The following DNAJC1 variants were observed in gnomAD, a reference collection of about 807,000 sequenced individuals.
The protein encoded by DNAJC1 is dnaJ homolog subfamily C member 1.
A neutral mutation model predicts 76.6 loss-of-function variants in DNAJC1; 58 were observed. That is an observed-to-expected ratio of 0.76 (90% CI 0.61 to 0.94). The LOEUF is 0.94. DNAJC1 is among the 40% of genes least tolerant of loss of function. The pLI is 0.00. For synonymous variants in DNAJC1, 258 were observed against 267.9 expected, an observed-to-expected ratio of 0.96 and a Z score of 0.36; for missense variants, 689 against 677.3, an observed-to-expected ratio of 1.02 and a Z score of -0.19.
At chr10:21,779,669 A>C (rs991703516) in intron 9 of DNAJC1, among the ~76,000 whole-genome samples, 1 of 152,238 alleles carries the variant, frequency 6.6e-6, no homozygotes, top group African/African-American at 2.4e-5. Flanking sequence ...AAAGCTGAGA[A>C]TTCTAAAAAT....
chr10:21,771,184 T>C (rs1258517528), intron 9 of DNAJC1, among the ~76,000 whole-genome samples: 1 of 151,452 alleles, frequency 6.6e-6, no homozygotes, highest in Non-Finnish European at 1.5e-5. Context: ...AGTTCCAATG[T>C]TTTTTTTAGT....
At chr10:21,838,025 C>T (rs1009869078) in intron 8 of DNAJC1, among the ~76,000 whole-genome samples, 2 of 151,096 alleles carry the variant, frequency 1.3e-5, no homozygotes, top group Non-Finnish European at 3.0e-5. Flanking sequence ...CTCCGCCCAG[C>T]CGCTGCCCCG....
chr10:21,859,806 C>T (rs948983515), intron 8 of DNAJC1, among the ~76,000 whole-genome samples: 10 of 150,962 alleles, frequency 6.6e-5, no homozygotes, highest in African/African-American at 2.4e-4. Flanking sequence ...TTTTTTGAGA[C>T]GGAGTCTGGC....
intron 8 of DNAJC1, chr10:21,861,040 C>T (rs1371608180): frequency 6.7e-6 from 1 of 149,520 alleles, no homozygotes; most frequent in Non-Finnish European, 1.5e-5. Context: ...CATTTAATTA[C>T]ATCTGCAAAG....
At chr10:21,836,065 G>A (rs2131673518) in intron 8 of DNAJC1, among the ~76,000 whole-genome samples, 1 of 152,272 alleles carries the variant, frequency 6.6e-6, no homozygotes, top group South Asian at 2.1e-4. Flanking sequence ...AATGTTAAGG[G>A]CAGCCAGAGA....
intron 8 of DNAJC1, among the ~76,000 whole-genome samples, chr10:21,815,007 G>A (rs1433412410): frequency 6.6e-6 from 1 of 152,184 alleles, no homozygotes; most frequent in African/African-American, 2.4e-5. Flanking sequence ...CTGCTAGCTT[G>A]AGTCAGGCAG....
chr10:21,787,950 T>C (rs762180225), intron 9 of DNAJC1, among the ~76,000 whole-genome samples: 2 of 152,206 alleles, frequency 1.3e-5, no homozygotes, highest in Non-Finnish European at 2.9e-5. Flanking sequence ...GCTGGAGTAG[T>C]CTTGCTCTGG....
intron 8 of DNAJC1, among the ~76,000 whole-genome samples, chr10:21,823,173 C>T (rs771629638): frequency 6.6e-6 from 1 of 151,978 alleles, no homozygotes; most frequent in Non-Finnish European, 1.5e-5. Flanking sequence ...AAATCACAAG[C>T]GAAATCTATT....
intron 7 of DNAJC1, among the ~76,000 whole-genome samples, chr10:21,893,901 G>C (rs1564819741): frequency 6.6e-6 from 1 of 151,960 alleles, no homozygotes; most frequent in Non-Finnish European, 1.5e-5. Context: ...CCTTTGAAAA[G>C]ATCAACAACT....
intron 8 of DNAJC1, among the ~76,000 whole-genome samples, chr10:21,845,265 C>G (rs2131682857): frequency 6.6e-6 from 1 of 151,718 alleles, no homozygotes; most frequent in African/African-American, 2.4e-5. Flanking sequence ...ATCAAGCAAG[C>G]TGGAGGGGAA....
At chr10:21,788,971 C>T (rs116525012) in intron 9 of DNAJC1, among the ~76,000 whole-genome samples, 2,686 of 152,202 alleles carry the variant, frequency 0.018, 86 homozygotes, top group African/African-American at 0.06. Flanking sequence ...AGCAAGCTTG[C>T]ACCCCAAGAC....
intron 1 of DNAJC1, among the ~76,000 whole-genome samples, chr10:21,975,229 C>T (rs1049845070): frequency 2.0e-5 from 3 of 150,940 alleles, no homozygotes; most frequent in Non-Finnish European, 3.0e-5. Flanking sequence ...GGAGTAGAGG[C>T]GAGAAGAAAT....
Position 21,928,538 on chromosome 10 carries a change from A to G in DNAJC1, c.339T>C (p.Tyr113=). 2.5e-6 allele frequency: 4 copies of G among 1,612,944 alleles called. No homozygotes were observed. Among genetic ancestry groups the G allele is most frequent in the Non-Finnish European group, 3.4e-6 (4 of 1,179,128 alleles). ...TTCGTTCATCATCCTTTAAAACTTC[A>G]TAAATGGCCACCAACTAAAATAAAA... ...ETQFRQLVAI[Y]EVLKDDERRQ... The change falls in exon 3 of 12, where the codon TAT becomes TAC. Residue 113 remains tyrosine (Y), a synonymous_variant. Coordinates refer to ENST00000376980, the MANE Select transcript of DNAJC1 (RefSeq NM_022365.4).
intron 10 of DNAJC1, among the ~76,000 whole-genome samples, chr10:21,764,996 C>G (rs922459536): frequency 6.6e-6 from 1 of 152,158 alleles, no homozygotes; most frequent in South Asian, 2.1e-4. Context: ...TTCTGACCCC[C>G]CTCCACCAAG....
chr10:21,929,722 T>A (rs917068312), intron 1 of DNAJC1, among the ~76,000 whole-genome samples: 9 of 152,220 alleles, frequency 5.9e-5, no homozygotes, highest in African/African-American at 2.2e-4. Context: ...ACTTATTTAC[T>A]TAGTACTTTA....
At chr10:21,813,170 CTCTCCCTCTCTCTCT>C in intron 8 of DNAJC1, among the ~76,000 whole-genome samples, 1 of 63,530 alleles carries the variant, frequency 1.6e-5, no homozygotes, top group Non-Finnish European at 2.7e-5. Flanking sequence ...CTCTCTCTCT[CTCTCCCTCTCTCTCT>C]CTCTCTCTCT....
intron 8 of DNAJC1, among the ~76,000 whole-genome samples, chr10:21,839,986 A>G (rs992902555): frequency 6.6e-6 from 1 of 152,226 alleles, no homozygotes; most frequent in Non-Finnish European, 1.5e-5. Flanking sequence ...TATAAACAGA[A>G]CCAAAGACAA....
chr10:21,852,092 TACACACAC>T (rs58289439), intron 8 of DNAJC1, among the ~76,000 whole-genome samples: 8,517 of 146,056 alleles, frequency 0.058, 290 homozygotes, highest in African/African-American at 0.094. Flanking sequence ...AATTGTGAGA[TACACACAC>T]ACACACACAC....
At chr10:21,797,163 G>A (rs1186197284) in intron 9 of DNAJC1, among the ~76,000 whole-genome samples, 1 of 152,066 alleles carries the variant, frequency 6.6e-6, no homozygotes, top group East Asian at 1.9e-4. Context: ...TCTTTTGCAT[G>A]TGGACATTAA....
Sources: gnomAD v4.1 joint callset for allele counts (sites outside exome capture counted in the v4.1 genomes callset) on GRCh38, gnomAD v4.1.1 for gene constraint, MANE v1.5 for transcripts, NCBI Gene and HGNC (gene_info 2026-07-23, HGNC 2026-07-21) for gene names.